The following HPGDS variants were observed in gnomAD, a reference collection of about 807,000 sequenced individuals.
HPGDS encodes GST class-sigma.
A neutral mutation model predicts 23.1 loss-of-function variants in HPGDS; 26 were observed. The observed-to-expected ratio is 1.13, with a 90% confidence interval of 0.83 to 1.56. The LOEUF (loss-of-function observed/expected upper bound fraction) is 1.56, where lower values mean the gene tolerates loss of function less well. Ranked by LOEUF, HPGDS falls within the 40% of genes most tolerant of loss-of-function variation. HPGDS has a pLI of 0.00. For synonymous variants in HPGDS, 95 were observed against 77.9 expected (o/e 1.22, Z -1.16); for missense variants, 268 against 236.4 (o/e 1.13, Z -0.88).
At chr4:94,320,332 A>G (rs1207738937) in intron 2 of HPGDS, among the ~76,000 whole-genome samples, 1 of 152,106 alleles carries the variant, frequency 6.6e-6, no homozygotes, top group African/African-American at 2.4e-5. Flanking sequence ...TTGAGGAATC[A>G]CCACACTGTC....
chr4:94,310,402 T>G (rs1756239920), intron 3 of HPGDS, among the ~76,000 whole-genome samples: 2 of 152,254 alleles, frequency 1.3e-5, no homozygotes, highest in South Asian at 2.1e-4. Context: ...TTTCCCCATT[T>G]CTTGTTTTTG....
intron 3 of HPGDS, 52 bp downstream of exon 3, chr4:94,317,821 A>G (rs1756426809): frequency 7.2e-6 from 7 of 973,092 alleles, no homozygotes; most frequent in Non-Finnish European, 1.2e-5. Flanking sequence ...TTGAATATAT[A>G]TCATGTATTT....
intron 1 of HPGDS, among the ~76,000 whole-genome samples, chr4:94,336,959 CGTTTT>C (rs1721033402): frequency 1.3e-5 from 2 of 151,608 alleles, no homozygotes; most frequent in African/African-American, 4.8e-5. Context: ...CGTTTTGTTT[CGTTTT>C]GTTTCGTTTT....
At chr4:94,315,513 T>C (rs1756378929) in intron 3 of HPGDS, among the ~76,000 whole-genome samples, 1 of 152,212 alleles carries the variant, frequency 6.6e-6, no homozygotes, top group South Asian at 2.1e-4. Flanking sequence ...CATTTGTTAA[T>C]CATTATTTTT....
intron 2 of HPGDS, among the ~76,000 whole-genome samples, chr4:94,320,385 A>C (rs961455705): frequency 4.6e-5 from 7 of 152,160 alleles, no homozygotes; most frequent in Non-Finnish European, 7.3e-5. Context: ...CCAACAGTGT[A>C]AAAGTGTTCC....
chr4:94,322,921 C>T (rs942277023), intron 2 of HPGDS, among the ~76,000 whole-genome samples: 2 of 152,198 alleles, frequency 1.3e-5, no homozygotes, highest in African/African-American at 4.8e-5. Flanking sequence ...TTTCCCTGTA[C>T]ACACTGCTTT....
intron 4 of HPGDS, among the ~76,000 whole-genome samples, chr4:94,305,400 A>G (rs965443050): frequency 6.6e-6 from 1 of 152,112 alleles, no homozygotes; most frequent in Non-Finnish European, 1.5e-5. Context: ...CACACCTTAC[A>G]TTTATATCAT....
At chr4:94,304,660 TTAGA>T (rs1230779994) in intron 4 of HPGDS, among the ~76,000 whole-genome samples, 5 of 152,234 alleles carry the variant, frequency 3.3e-5, no homozygotes, top group Non-Finnish European at 7.4e-5. Flanking sequence ...TGCTTGTTAA[TTAGA>T]TAGTCTATAG....
intron 1 of HPGDS, among the ~76,000 whole-genome samples, chr4:94,337,967 A>C (rs1286642649): frequency 6.6e-6 from 1 of 152,240 alleles, no homozygotes; most frequent in Admixed American, 6.5e-5. Flanking sequence ...ACAAATGCTT[A>C]TCTTTCCTTT....
chr4:94,339,729 G>T lies in HPGDS; in HGVS notation c.-10+3066C>A, dbSNP rs146035745. Reference sequence around the variant, plus strand: ...TTTTACTTTATAGAATGCTTGTTATGGTTTGGCTATATCCCCACCAGAATC... The same window carrying T: ...TTTTACTTTATAGAATGCTTGTTATTGTTTGGCTATATCCCCACCAGAATC... On this transcript the variant is annotated intron_variant, in intron 1 of 5. Coordinates refer to ENST00000295256, the MANE Select transcript of HPGDS (RefSeq NM_014485.3). Among the ~76,000 whole-genome samples the T allele has an allele frequency of 4.5e-3, 678 of 151,788 alleles. 3 individuals are homozygous for T. Among genetic ancestry groups the T allele is most frequent in the African/African-American group, 0.015 (637 of 41,312 alleles).
At position 94,323,195 on chromosome 4, in the gene HPGDS, T is replaced by C. The variant is rs553644299; in HGVS notation, c.134-5230A>G. Among the ~76,000 whole-genome samples the C allele has an allele frequency of 1.8e-4, 27 of 152,290 alleles. No homozygotes were observed. In the South Asian group the frequency reaches 2.3e-3, roughly 13 times the overall value. ...GCTTTACTTCCAACTATGTGGTCAATTTTGGAATAAGTGTGGTGTGGTGCT... is the reference window on the plus strand; with the variant it reads ...GCTTTACTTCCAACTATGTGGTCAACTTTGGAATAAGTGTGGTGTGGTGCT... On this transcript the variant is annotated intron_variant, in intron 2 of 5. Transcript: ENST00000295256.
At chr4:94,302,435 T>C (rs1756062145) in intron 4 of HPGDS, among the ~76,000 whole-genome samples, 191 bp from the exon 5 acceptor site, 1 of 152,164 alleles carries the variant, frequency 6.6e-6, no homozygotes, top group Admixed American at 6.6e-5. Context: ...GTCATCTCTT[T>C]ATTGCTCATG....
chr4:94,300,863 G>A (rs1184431549), intron 5 of HPGDS, among the ~76,000 whole-genome samples: 1 of 152,142 alleles, frequency 6.6e-6, no homozygotes, highest in Admixed American at 6.5e-5. Flanking sequence ...AAGCGTTCCA[G>A]GTATAGGGAA....
At chr4:94,324,323 G>A (rs1245352976) in intron 2 of HPGDS, among the ~76,000 whole-genome samples, 2 of 152,062 alleles carry the variant, frequency 1.3e-5, no homozygotes, top group South Asian at 2.1e-4. Context: ...CTAGGTTGGG[G>A]AAGTTCTCCT....
At chr4:94,325,493 A>T (rs1481308266) in intron 2 of HPGDS, among the ~76,000 whole-genome samples, 3 of 152,068 alleles carry the variant, frequency 2.0e-5, no homozygotes, top group Non-Finnish European at 4.4e-5. Context: ...GCCATGGCAG[A>T]CACCCCTCCC....
At chr4:94,340,317 T>TTC (rs1721131053) in intron 1 of HPGDS, among the ~76,000 whole-genome samples, 3 of 16,502 alleles carry the variant, frequency 1.8e-4, no homozygotes, top group Non-Finnish European at 3.4e-4. Flanking sequence ...TTCTCTTTTT[T>TTC]TTTTTTTTTT....
chr4:94,302,089 T>A (rs1461479096), intron 5 of HPGDS, 57 bp downstream of exon 5: 3 of 1,302,992 alleles, frequency 2.3e-6, no homozygotes, highest in South Asian at 2.5e-5. Context: ...GTTTTTATAC[T>A]TCTATTGGTT....
chr4:94,318,163 G>A (rs1390702395), intron 2 of HPGDS, among the ~76,000 whole-genome samples, 198 bp from the exon 3 acceptor site: 1 of 152,084 alleles, frequency 6.6e-6, no homozygotes, highest in Non-Finnish European at 1.5e-5. Context: ...TAGAAAACCT[G>A]ATTTAAAATT....
intron 2 of HPGDS, among the ~76,000 whole-genome samples, chr4:94,325,726 C>A (rs1240241574): frequency 6.6e-6 from 1 of 152,204 alleles, no homozygotes; most frequent in Non-Finnish European, 1.5e-5. Context: ...ATCCCTCAAC[C>A]CCCTGTGCTT....
Sources: gnomAD v4.1 joint callset for allele counts (sites outside exome capture counted in the v4.1 genomes callset) on GRCh38, gnomAD v4.1.1 for gene constraint, MANE v1.5 for transcripts, NCBI Gene and HGNC (gene_info 2026-07-23, HGNC 2026-07-21) for gene names.